The following HMG20A variants were observed in gnomAD, a reference collection of about 807,000 sequenced individuals.
The protein encoded by HMG20A is high mobility group protein 20A.
A neutral mutation model predicts 43.9 loss-of-function variants in HMG20A; 17 were observed. That is an observed-to-expected ratio of 0.39 (90% CI 0.27 to 0.58). HMG20A has a LOEUF of 0.58. HMG20A is among the 20% of genes least tolerant of loss of function. The probability of loss-of-function intolerance (pLI) is 0.59; values close to 1 mark genes in which losing one functional copy is unlikely to be tolerated. For synonymous variants in HMG20A, 132 were observed against 147.5 expected (o/e 0.89, Z 0.76); for missense variants, 341 against 438.2 (o/e 0.78, Z 1.98).
At chr15:77,431,968 C>CT (rs1567389766) in intron 1 of HMG20A, among the ~76,000 whole-genome samples, 1 of 152,146 alleles carries the variant, frequency 6.6e-6, no homozygotes, top group Non-Finnish European at 1.5e-5. Flanking sequence ...GATTTCCTTC[C>CT]TTTTTTTAAA....
At chr15:77,447,830 T>C (rs2073691840) in intron 1 of HMG20A, 1 of 152,230 alleles carries the variant, frequency 6.6e-6, no homozygotes, top group Non-Finnish European at 1.5e-5. Flanking sequence ...CAAATGTTTG[T>C]TGAAATATAA....
chr15:77,448,546 T>C (rs1388258621), intron 1 of HMG20A, among the ~76,000 whole-genome samples: 2 of 152,216 alleles, frequency 1.3e-5, no homozygotes, highest in Non-Finnish European at 2.9e-5. Flanking sequence ...CTAACCTCTT[T>C]CCCTGCCCTG....
downstream of HMG20A, among the ~76,000 whole-genome samples, chr15:77,488,953 A>G (rs2072958849): frequency 6.6e-6 from 1 of 152,198 alleles, no homozygotes; most frequent in African/African-American, 2.4e-5. Flanking sequence ...AAATTGGACA[A>G]CACTGCTGGG....
At chr15:77,460,406 G>C (rs2072694605) in intron 2 of HMG20A, among the ~76,000 whole-genome samples, 1 of 152,212 alleles carries the variant, frequency 6.6e-6, no homozygotes, top group Non-Finnish European at 1.5e-5. Context: ...CATTAGCTTA[G>C]ATGGGGAAAA....
intron 6 of HMG20A, among the ~76,000 whole-genome samples, chr15:77,472,994 G>A (rs1004277082): frequency 1.9e-4 from 29 of 152,138 alleles, no homozygotes; most frequent in African/African-American, 6.8e-4. Flanking sequence ...TCTATTCAAA[G>A]TTGACCTGAA....
At chr15:77,467,601 C>G (rs973106151) in intron 4 of HMG20A, among the ~76,000 whole-genome samples, 3 of 152,156 alleles carry the variant, frequency 2.0e-5, no homozygotes. Context: ...ATTAAGAAAT[C>G]TGTCAATAAA....
At chr15:77,438,137 ATTTTTTTTTTTT>A (rs34192592) in intron 1 of HMG20A, among the ~76,000 whole-genome samples, 1 of 113,456 alleles carries the variant, frequency 8.8e-6, no homozygotes, top group Non-Finnish European at 1.8e-5. Flanking sequence ...TTTAGTTTTA[ATTTTTTTTTTTT>A]TTTTTTTTTT....
At chr15:77,493,332 T>C in the HMG20A span, among the ~76,000 whole-genome samples, 2 of 150,346 alleles carry the variant, frequency 1.3e-5, no homozygotes, top group Non-Finnish European at 3.0e-5. Flanking sequence ...TTAGGGAGAG[T>C]CAGGAAAAGA....
the HMG20A span, among the ~76,000 whole-genome samples, chr15:77,510,679 TCCAGCAGCTG>T: frequency 4.6e-5 from 7 of 152,168 alleles, no homozygotes; most frequent in Non-Finnish European, 1.0e-4. Context: ...CACTGTGGCC[TCCAGCAGCTG>T]CCAGCAGCTC....
chr15:77,471,897 T>A, intron 6 of HMG20A, 83 bp downstream of exon 6: 1 of 727,142 alleles, frequency 1.4e-6, no homozygotes, highest in Non-Finnish European at 2.3e-6. Context: ...TTTTTTTTTT[T>A]TAATGAATGG....
intron 6 of HMG20A, among the ~76,000 whole-genome samples, chr15:77,474,298 T>C (rs2072836308): frequency 6.6e-6 from 1 of 152,196 alleles, no homozygotes; most frequent in South Asian, 2.1e-4. Context: ...ACATACTTAT[T>C]TCCCTTTACT....
chr15:77,508,639 C>T, the HMG20A span, among the ~76,000 whole-genome samples: 1 of 152,214 alleles, frequency 6.6e-6, no homozygotes, highest in Admixed American at 6.5e-5. Flanking sequence ...ACACTGAAGT[C>T]CCTAAGAGGT....
Position 77,436,422 on chromosome 15 carries a change from A to G in HMG20A, c.-5+15418A>G, listed in dbSNP as rs555784958. Among the ~76,000 whole-genome samples the G allele has an allele frequency of 6.8e-4, 102 of 150,652 alleles. 2 individuals carry two copies. The highest frequency in any genetic ancestry group is 1.2e-3 in the Non-Finnish European group (84 of 67,758). On this transcript the variant is annotated intron_variant, in intron 1 of 9. Coordinates refer to ENST00000336216, the MANE Select transcript of HMG20A (RefSeq NM_001304504.2). Reference sequence around the variant, plus strand: ...GGACTGGTGGACTATTGCAGTAACTACTTCCCTACTGATCTTTATAGATCC... The same window carrying G: ...GGACTGGTGGACTATTGCAGTAACTGCTTCCCTACTGATCTTTATAGATCC...
chr15:77,429,670 A>G (rs1286316050), intron 1 of HMG20A, among the ~76,000 whole-genome samples: 1 of 152,240 alleles, frequency 6.6e-6, no homozygotes, highest in Non-Finnish European at 1.5e-5. Context: ...AATAGCACTG[A>G]TATCTATACT....
At chr15:77,450,223 G>A (rs2142310861) in intron 1 of HMG20A, among the ~76,000 whole-genome samples, 1 of 152,130 alleles carries the variant, frequency 6.6e-6, no homozygotes, top group South Asian at 2.1e-4. Flanking sequence ...TCTGCCTCCA[G>A]GGTTCGCGCC....
At chr15:77,517,208 C>G in the HMG20A span, among the ~76,000 whole-genome samples, 14 of 152,198 alleles carry the variant, frequency 9.2e-5, no homozygotes, top group Middle Eastern at 3.2e-3. Context: ...GGGGTTGCCC[C>G]AAGCCTCTGT....
chr15:77,509,391 A>G, the HMG20A span, among the ~76,000 whole-genome samples: 1 of 151,858 alleles, frequency 6.6e-6, no homozygotes, highest in African/African-American at 2.4e-5. Flanking sequence ...AGTAGCTAAG[A>G]CTATAGGTGC....
chr15:77,452,430 T>G (rs1307411891), intron 1 of HMG20A, among the ~76,000 whole-genome samples: 2 of 152,204 alleles, frequency 1.3e-5, no homozygotes, highest in African/African-American at 4.8e-5. Context: ...GATACATTCT[T>G]GATTGATCCA....
chr15:77,458,920 G>A (rs1030013749), intron 2 of HMG20A, among the ~76,000 whole-genome samples: 1 of 152,102 alleles, frequency 6.6e-6, no homozygotes, highest in African/African-American at 2.4e-5. Context: ...GCTGACTTCT[G>A]TTCCTTTCCC....
Sources: gnomAD v4.1 joint callset for allele counts (sites outside exome capture counted in the v4.1 genomes callset) on GRCh38, gnomAD v4.1.1 for gene constraint, MANE v1.5 for transcripts, NCBI Gene and HGNC (gene_info 2026-07-23, HGNC 2026-07-21) for gene names.